SYNE2: variants seen among roughly 807,000 people sequenced by gnomAD.
The protein encoded by SYNE2 is nesprin-2.
Under a neutral mutation model 856.3 loss-of-function variants are expected in SYNE2, and 431 were observed. The ratio of observed to expected loss-of-function variants is 0.50; its 90% CI spans 0.47 to 0.55. The LOEUF (loss-of-function observed/expected upper bound fraction) is 0.55, where lower values mean the gene tolerates loss of function less well. Among genes scored for constraint, SYNE2 ranks in the 20% least tolerant of loss-of-function variants. The probability of loss-of-function intolerance (pLI) is 0.00; values close to 1 mark genes in which losing one functional copy is unlikely to be tolerated. For synonymous variants in SYNE2, 2,923 were observed against 2,872.3 expected, an observed-to-expected ratio of 1.02 and a Z score of -0.56; for missense variants, 8,129 against 8,023.2, an observed-to-expected ratio of 1.01 and a Z score of -0.50.
At chr14:64,068,687 C>CT (rs1374075399) in intron 51 of SYNE2, among the ~76,000 whole-genome samples, 1 of 151,846 alleles carries the variant, frequency 6.6e-6, no homozygotes, top group East Asian at 1.9e-4. Flanking sequence ...TGGTGAAACC[C>CT]TGTCTCTACT....
chr14:64,127,181 A>C (rs1017281174), intron 73 of SYNE2, among the ~76,000 whole-genome samples: 1 of 152,168 alleles, frequency 6.6e-6, no homozygotes, highest in African/African-American at 2.4e-5. Context: ...GAATTGCTTG[A>C]ACCTGGGAGG....
chr14:64,001,979 G>A lies in SYNE2; in HGVS notation c.3684G>A (p.Glu1228=). ...CACTGCGGCTTGTGTTACCTGTAGA[G>A]AAGGCATCACTTCTTCTCTGTGGCT... ...ETALRLVLPV[E]KASLLLCGSD... Residue 1228 remains glutamate (E), a synonymous_variant, in exon 29 of 116, where the codon GAG becomes GAA. Coordinates refer to ENST00000555002, the MANE Select transcript of SYNE2 (RefSeq NM_182914.3). 1 of 1,614,154 alleles carries A rather than the reference G, an allele frequency of 6.2e-7. No individual in the cohort carries two copies. The highest frequency in any genetic ancestry group is 8.5e-7 in the Non-Finnish European group (1 of 1,180,006).
intron 1 of SYNE2, among the ~76,000 whole-genome samples, chr14:63,812,406 A>G (rs1413352586): frequency 1.3e-5 from 2 of 152,156 alleles, no homozygotes; most frequent in South Asian, 2.1e-4. Flanking sequence ...TTCTTTTTCA[A>G]GATGCACTGA....
At chr14:63,867,699 AAAAAAGAAT>A (rs1192575225) in intron 1 of SYNE2, among the ~76,000 whole-genome samples, 15 of 151,274 alleles carry the variant, frequency 9.9e-5, no homozygotes, top group South Asian at 4.2e-4. Context: ...CTCTGTCTCA[AAAAAAGAAT>A]AAAAAGAATA....
chr14:64,079,321 C>T (rs1370350133), intron 55 of SYNE2, among the ~76,000 whole-genome samples: 1 of 152,128 alleles, frequency 6.6e-6, no homozygotes, highest in African/African-American at 2.4e-5. Context: ...TTAGGCAAAA[C>T]TGTACATAAA....
At chr14:64,179,775 A>G (rs552076445) in intron 96 of SYNE2, among the ~76,000 whole-genome samples, 90 of 152,088 alleles carry the variant, frequency 5.9e-4, no homozygotes, top group Non-Finnish European at 1.0e-3. Context: ...TTTATTCTAA[A>G]TATTCCTCTT....
intron 100 of SYNE2, among the ~76,000 whole-genome samples, chr14:64,204,135 A>G (rs776966753): frequency 3.3e-5 from 5 of 152,208 alleles, no homozygotes; most frequent in Non-Finnish European, 7.3e-5. Context: ...TGGTTTTTCC[A>G]CTTAGCCTTG....
chr14:63,775,701 C>T (rs1421935982), intron 1 of SYNE2, among the ~76,000 whole-genome samples: 1 of 152,224 alleles, frequency 6.6e-6, no homozygotes, highest in Non-Finnish European at 1.5e-5. Context: ...CCGCCTCAGC[C>T]TCCAAAAGTA....
At chr14:64,018,126 G>C (rs1007824047) in intron 34 of SYNE2, among the ~76,000 whole-genome samples, 1 of 152,206 alleles carries the variant, frequency 6.6e-6, no homozygotes, top group African/African-American at 2.4e-5. Flanking sequence ...GGCTTCACCA[G>C]ATTGCCAGAG....
chr14:63,998,360 C>T lies in SYNE2; in HGVS notation c.3353+32C>T, dbSNP rs751368743. The T allele has an allele frequency of 2.5e-5, 35 of 1,428,448 alleles. No homozygotes were observed. The South Asian group carries it at 3.9e-4, about 16-fold the overall frequency. 88.5% of individuals were successfully genotyped at this position (1,428,448 alleles called of 1,614,324 possible). A position where few individuals can be genotyped will look rare whatever the true frequency, so the allele number is the denominator to read the frequency against. ...TCTTTTTAAAAACAACTGGAAAATC[C>T]ACCAGAAGTCTTTCATCGATGCAAA... On this transcript the variant is annotated intron_variant, in intron 26 of 115. Coordinates refer to ENST00000555002, the MANE Select transcript of SYNE2 (RefSeq NM_182914.3).
In SYNE2 at chr14:64,208,744, T is replaced by C; in HGVS notation, c.18202-14T>C. 6.2e-7 allele frequency: 1 copy of C among 1,614,156 alleles called. No homozygotes were observed. Among genetic ancestry groups the C allele is most frequent in the Non-Finnish European group, 8.5e-7 (1 of 1,180,002 alleles). ...CAACATCTCAAGAGGTTTCTTACTC[T>C]GTTGTAATCACAGGATCTACAGCGA... On this transcript the variant is annotated splice_polypyrimidine_tract_variant and intron_variant, in intron 100 of 115. Coordinates refer to ENST00000555002, the MANE Select transcript of SYNE2 (RefSeq NM_182914.3).
chr14:64,163,404 G>T lies in SYNE2; in HGVS notation c.16302G>T (p.Glu5434Asp), dbSNP rs763730249. 8 of 1,613,710 alleles carry T rather than the reference G, an allele frequency of 5.0e-6. No individual in the cohort carries two copies. Among genetic ancestry groups the T allele is most frequent in the African/African-American group, 4.0e-5 (3 of 74,874 alleles). Reference protein sequence around the residue: ...ILPPALQDIKELQHDVQKTKE... With the variant: ...ILPPALQDIKDLQHDVQKTKE... ...TGCCATCCCTTTTTCTTCTGCAGGA[G>T]CTGCAGCATGATGTGCAGAAAACAA... Residue 5434 changes from glutamate (E) to aspartate (D), a missense_variant and splice_region_variant, in exon 89 of 116, where the codon GAG (glutamate) becomes GAT (aspartate). Glu to Asp is a conservative substitution (Grantham distance 45, BLOSUM62 2). Around this residue, in one of 3 missense-constraint regions of SYNE2, gnomAD observed 5,410 missense variants for 5,284.8 expected, o/e 1.02. Transcript: ENST00000555002.
chr14:64,140,907 A>G (rs1268573818), intron 80 of SYNE2, among the ~76,000 whole-genome samples: 1 of 148,758 alleles, frequency 6.7e-6, no homozygotes, highest in African/African-American at 2.5e-5. Flanking sequence ...TTTTTTTTTT[A>G]TTTTTCATAC....
chr14:64,053,653 G>A lies in SYNE2; in HGVS notation c.9740G>A (p.Arg3247His), dbSNP rs755382384. 10 of 1,612,580 alleles carry A rather than the reference G, an allele frequency of 6.2e-6. No homozygotes were observed. Among genetic ancestry groups the A allele is most frequent in the South Asian group, 1.1e-5 (1 of 90,786 alleles). Residue 3247 changes from arginine (R) to histidine (H), a missense_variant, in exon 48 of 116, where the codon CGC becomes CAC. Transcript: ENST00000555002. ...QMQLNTSIDLRTNVLNDAYEN... is the reference protein window; with the variant it reads ...QMQLNTSIDLHTNVLNDAYEN... ...CAGCTTAACACAAGCATTGATTTGC[G>A]CACAGTAAGTTTTAAAAATTATGCA...
Position 64,003,111 on chromosome 14 carries a change from G to T in SYNE2, c.4178G>T (p.Arg1393Leu), listed in dbSNP as rs117647282. 5 of 1,614,134 alleles carry T rather than the reference G, an allele frequency of 3.1e-6. No homozygotes were observed. The highest frequency in any genetic ancestry group is 3.3e-5 in the Admixed American group (2 of 60,028). ...MLDMSFKDAE[R>L]GDDTSCENLL... is the part of the protein sequence containing the mutation. ...GATATGAGCTTTAAAGATGCTGAAC[G>T]GGGTGATGACACCTCCTGTGAAAAC... The change falls in exon 30 of 116, where the codon CGG (arginine) becomes CTG (leucine). Residue 1393 changes from arginine to leucine, a missense_variant. By Grantham distance (102) the Arg-to-Leu change is moderately radical (BLOSUM62 -2). Transcript: ENST00000555002.
chr14:64,089,493 T>C lies in SYNE2; in HGVS notation c.11671-81T>C. On this transcript the variant is annotated intron_variant, in intron 58 of 115. Coordinates refer to ENST00000555002, the MANE Select transcript of SYNE2 (RefSeq NM_182914.3). ...GACATTATTTGGCTAAATAAGAGAA[T>C]AAAATTAATGCCAATAAACTGTTTT... is the stretch of plus-strand genomic sequence containing the variant. The C allele has an allele frequency of 2.9e-6, 4 of 1,373,946 alleles. No individual in the cohort carries two copies. In the South Asian group the frequency reaches 5.2e-5, roughly 18 times the overall value. 85.1% of individuals were successfully genotyped at this position (1,373,946 alleles called of 1,614,324 possible).
rs773090417 is a variant in SYNE2 at position 64,162,373 on chromosome 14, C to G, written c.16299+97C>G. The G allele has an allele frequency of 2.4e-6, 3 of 1,255,886 alleles. No individual in the cohort carries two copies. In the African/African-American group the frequency reaches 4.4e-5, roughly 18 times the overall value. 77.8% of individuals were successfully genotyped at this position (1,255,886 alleles called of 1,614,324 possible). On this transcript the variant is annotated intron_variant, in intron 88 of 115. Coordinates refer to ENST00000555002, the MANE Select transcript of SYNE2 (RefSeq NM_182914.3). Reference sequence around the variant, plus strand: ...CTGGGGACCAGACAGACCACAGGGACAGAGTAGTCAGGACAGGTGCTGTGA... The same window carrying G: ...CTGGGGACCAGACAGACCACAGGGAGAGAGTAGTCAGGACAGGTGCTGTGA...
At chr14:64,177,170 C>T (rs916618533) in intron 95 of SYNE2, among the ~76,000 whole-genome samples, 188 bp from the exon 96 acceptor site, 1 of 152,142 alleles carries the variant, frequency 6.6e-6, no homozygotes, top group African/African-American at 2.4e-5. Flanking sequence ...CAAGGAGGGT[C>T]GAGTCATATT....
chr14:64,184,321 T>C (rs1464604794), intron 96 of SYNE2, among the ~76,000 whole-genome samples: 1 of 140,274 alleles, frequency 7.1e-6, no homozygotes, highest in Non-Finnish European at 1.5e-5. Flanking sequence ...CCACACTGTA[T>C]GCATAGGGGT....
Sources: allele counts gnomAD v4.1 joint callset (sites outside exome capture counted in the v4.1 genomes callset), GRCh38; gene constraint gnomAD v4.1.1; regional missense constraint gnomAD v4.1.1; transcripts MANE v1.5; gene names NCBI Gene and HGNC (gene_info 2026-07-23, HGNC 2026-07-21).